Variants in ZC3H7B observed in about 807,000 individuals in gnomAD.
The protein encoded by ZC3H7B is zinc finger CCCH-type containing 7B.
In ZC3H7B, 35 loss-of-function variants were observed where a neutral mutation model predicts 116.0. The observed-to-expected ratio is 0.30, with a 90% CI of 0.23 to 0.40. The LOEUF is 0.40. ZC3H7B is among the 10% of genes least tolerant of loss of function. The probability of loss-of-function intolerance (pLI) is 1.00; values close to 1 mark genes in which losing one functional copy is unlikely to be tolerated. For missense variants in ZC3H7B, 1,011 were observed against 1,321.5 expected, an observed-to-expected ratio of 0.77 and a Z score of 3.64; for synonymous variants, 502 against 545.6, an observed-to-expected ratio of 0.92 and a Z score of 1.11.
intron 21 of ZC3H7B, 52 bp from the exon 22 acceptor site, chr22:41,356,593 G>C (rs2036721451): frequency 2.5e-6 from 4 of 1,610,998 alleles, no homozygotes; most frequent in Non-Finnish European, 3.4e-6. Flanking sequence ...CGAGGTGGGT[G>C]GTCCGGGCAG....
chr22:41,340,999 G>A (rs2036516063), intron 10 of ZC3H7B, 89 bp from the exon 11 acceptor site: 12 of 1,313,360 alleles, frequency 9.1e-6, no homozygotes, highest in East Asian at 7.2e-5. Flanking sequence ...GGGCTTCTCC[G>A]AGTCAGCAAT....
intron 1 of ZC3H7B, among the ~76,000 whole-genome samples, chr22:41,309,245 C>T (rs1283879546): frequency 2.0e-5 from 3 of 151,836 alleles, no homozygotes; most frequent in East Asian, 1.9e-4. Flanking sequence ...CTCCTGACCT[C>T]GTGATCCGCC....
intron 11 of ZC3H7B, among the ~76,000 whole-genome samples, chr22:41,341,442 T>C (rs2036521344): frequency 6.6e-6 from 1 of 152,178 alleles, no homozygotes; most frequent in African/African-American, 2.4e-5. Flanking sequence ...AGTCCGGTCC[T>C]GAGTTTAAAA....
chr22:41,342,412 TG>T, intron 11 of ZC3H7B, 116 bp from the exon 12 acceptor site: 1 of 883,738 alleles, frequency 1.1e-6, no homozygotes. Flanking sequence ...GCTGTGGTTT[TG>T]CTCTTGGGTA....
chr22:41,339,848 C>T lies in ZC3H7B; in HGVS notation c.849C>T (p.Gly283=), dbSNP rs893628075. Residue 283 remains glycine (G), a synonymous_variant, in exon 10 of 23, where the codon GGC becomes GGT. Transcript: ENST00000352645. ...TCCAGGGTGGCCTGTCTGGCAGCGGCGTGCCTAGTGAGTTGCCCCAGCTGA... is the reference window on the plus strand; with the variant it reads ...TCCAGGGTGGCCTGTCTGGCAGCGGTGTGCCTAGTGAGTTGCCCCAGCTGA... ...SLVQGGLSGS[G]VPSELPQLIP... is the part of the protein sequence containing the mutation. The T allele has an allele frequency of 4.6e-5, 74 of 1,609,440 alleles. No homozygotes were observed. Among genetic ancestry groups the T allele is most frequent in the Non-Finnish European group, 5.8e-5 (68 of 1,177,140 alleles).
intron 7 of ZC3H7B, chr22:41,334,363 T>C (rs924126251): frequency 6.6e-6 from 1 of 152,224 alleles, no homozygotes. Context: ...ACAGCAAATA[T>C]GGGCTGAATG....
Position 41,338,409 on chromosome 22 carries a change from G to C in ZC3H7B, c.625+54G>C. The C allele has an allele frequency of 6.3e-7, 1 of 1,589,598 alleles. No homozygotes were observed. Among genetic ancestry groups the C allele is most frequent in the Non-Finnish European group, 8.6e-7 (1 of 1,164,894 alleles). On this transcript the variant is annotated intron_variant, in intron 8 of 22. Coordinates refer to ENST00000352645, the MANE Select transcript of ZC3H7B (RefSeq NM_017590.6). This position sits in a 1 kb window ranked among gnomAD's most constrained non-coding sequence, Gnocchi z 4.5. ...GGAAATTGGGGCCCCGAGAGGTCAG[G>C]GGAGTCGAGCCCCCTCCCCATCCCA...
At chr22:41,311,477 G>A (rs2036118349) in intron 1 of ZC3H7B, among the ~76,000 whole-genome samples, 1 of 152,068 alleles carries the variant, frequency 6.6e-6, no homozygotes, top group South Asian at 2.1e-4. Context: ...TGGACACAGA[G>A]GCATCTAAGC....
intron 10 of ZC3H7B, among the ~76,000 whole-genome samples, chr22:41,340,513 G>A (rs980827798): frequency 6.6e-6 from 1 of 152,122 alleles, no homozygotes; most frequent in Non-Finnish European, 1.5e-5. Flanking sequence ...ACTCTGGGCT[G>A]GGTGCCAGGG....
chr22:41,328,013 G>A (rs1569235426), intron 5 of ZC3H7B, among the ~76,000 whole-genome samples: 1 of 152,098 alleles, frequency 6.6e-6, no homozygotes, highest in Non-Finnish European at 1.5e-5. Context: ...TGAGATCCCA[G>A]CTACTCAGGA....
At position 41,338,996 on chromosome 22, in the gene ZC3H7B, C is replaced by T. The variant is rs756003097; in HGVS notation, c.626-5C>T. On this transcript the variant is annotated splice_polypyrimidine_tract_variant and splice_region_variant and intron_variant, in intron 8 of 22. Transcript: ENST00000352645. This position sits in a 1 kb window ranked among gnomAD's most constrained non-coding sequence, Gnocchi z 4.5. ...CCCTTCGGCTCTTGCCCACCCCATC[C>T]GCAGACTGCTACGTGGACCCTCGAG... 28 of 1,552,926 alleles carry T rather than the reference C, an allele frequency of 1.8e-5. No homozygotes were observed. In the East Asian group the frequency reaches 4.7e-4, roughly 26 times the overall value.
At chr22:41,341,186 G>T (rs752692691) in intron 11 of ZC3H7B, 40 bp downstream of exon 11, 35 of 1,611,872 alleles carry the variant, frequency 2.2e-5, no homozygotes, top group Non-Finnish European at 3.0e-5. Context: ...CTCATTCCCT[G>T]CTGGGGGTTG....
chr22:41,355,266 G>A (rs1048500693), intron 17 of ZC3H7B, among the ~76,000 whole-genome samples: 4 of 152,214 alleles, frequency 2.6e-5, no homozygotes, highest in African/African-American at 9.7e-5. Context: ...CAGCCACAGA[G>A]GGTGGAAAGA....
At position 41,357,822 on chromosome 22, in the gene ZC3H7B, C is replaced by A; in HGVS notation, c.*393C>A. The A allele has an allele frequency of 3.9e-6, 1 of 256,012 alleles. No individual in the cohort carries two copies. The highest frequency in any genetic ancestry group is 8.9e-5 in the East Asian group (1 of 11,244). The allele number at this position is 256,012 out of a possible 1,614,324, so 15.9% of individuals were successfully genotyped here. ...TCTCCAGCAGGAGGGTCCTTCTCTCCCTGGCCCGTCCTCCTCCCACCCCCT... is the reference window on the plus strand; with the variant it reads ...TCTCCAGCAGGAGGGTCCTTCTCTCACTGGCCCGTCCTCCTCCCACCCCCT... On this transcript the variant is annotated 3_prime_UTR_variant, in exon 23 of 23. Transcript: ENST00000352645. This position sits in a 1 kb window ranked among gnomAD's most constrained non-coding sequence, Gnocchi z 5.4.
At chr22:41,323,488 G>A (rs1354318332) in intron 2 of ZC3H7B, among the ~76,000 whole-genome samples, 1 of 152,198 alleles carries the variant, frequency 6.6e-6, no homozygotes, top group Non-Finnish European at 1.5e-5. Context: ...AAGGTTAAGG[G>A]ACCAGGTGGT....
chr22:41,313,801 G>T (rs913652331), intron 1 of ZC3H7B, among the ~76,000 whole-genome samples: 26 of 151,984 alleles, frequency 1.7e-4, no homozygotes, highest in Admixed American at 1.5e-3. Flanking sequence ...GGAGTGCAGT[G>T]GTGCCATCTC....
At chr22:41,312,237 C>G (rs914657254) in intron 1 of ZC3H7B, among the ~76,000 whole-genome samples, 1 of 151,112 alleles carries the variant, frequency 6.6e-6, no homozygotes, top group Admixed American at 6.6e-5. Context: ...GAGGCTGAGG[C>G]GGGCAGATCA....
chr22:41,342,899 G>A (rs1270387435), intron 12 of ZC3H7B, among the ~76,000 whole-genome samples: 1 of 152,220 alleles, frequency 6.6e-6, no homozygotes, highest in South Asian at 2.1e-4. Flanking sequence ...TAGGCCGGAT[G>A]CGGTGGCTCA....
At chr22:41,304,011 C>T (rs917133466) in intron 1 of ZC3H7B, among the ~76,000 whole-genome samples, 2 of 152,140 alleles carry the variant, frequency 1.3e-5, no homozygotes, top group African/African-American at 4.8e-5. Context: ...GCCACTTCGG[C>T]CTCCCAAAGT....
Sources: allele counts gnomAD v4.1 joint callset (sites outside exome capture counted in the v4.1 genomes callset), GRCh38; gene constraint gnomAD v4.1.1; non-coding constraint Gnocchi (gnomAD v3.1); transcripts MANE v1.5; gene names NCBI Gene and HGNC (gene_info 2026-07-23, HGNC 2026-07-21).